Variants in AGBL4 observed in about 807,000 individuals in gnomAD.
The protein encoded by AGBL4 is cytosolic carboxypeptidase 6.
Under a neutral mutation model 66.4 loss-of-function variants are expected in AGBL4, and 58 were observed. The observed-to-expected ratio is 0.87, with a 90% confidence interval of 0.71 to 1.09. The LOEUF (loss-of-function observed/expected upper bound fraction) is 1.09. Ranked by LOEUF, AGBL4 falls within the 50% of genes least tolerant of loss-of-function variation. The pLI, the probability that AGBL4 is intolerant of heterozygous loss-of-function variation, is 0.00. For synonymous variants in AGBL4, 234 were observed against 222.9 expected (o/e 1.05, Z -0.44); for missense variants, 579 against 631.0 (o/e 0.92, Z 0.88).
intron 6 of AGBL4, among the ~76,000 whole-genome samples, chr1:48,862,478 C>G (rs533766038): frequency 6.6e-6 from 1 of 152,054 alleles, no homozygotes; most frequent in Non-Finnish European, 1.5e-5. Flanking sequence ...CCCGCCACCA[C>G]GCTCGGCTAA....
chr1:49,059,274 G>C (rs1323479177), intron 4 of AGBL4, among the ~76,000 whole-genome samples: 1 of 152,214 alleles, frequency 6.6e-6, no homozygotes, highest in Non-Finnish European at 1.5e-5. Context: ...TGGCTAAATG[G>C]GGCCAAAGTA....
intron 6 of AGBL4, among the ~76,000 whole-genome samples, chr1:48,753,863 C>A (rs968521073): frequency 5.9e-5 from 9 of 152,150 alleles, no homozygotes; most frequent in African/African-American, 1.7e-4. Context: ...GGTTAGAATT[C>A]ATCATTTTTG....
chr1:49,061,932 G>T (rs1213910215), intron 4 of AGBL4, among the ~76,000 whole-genome samples: 1 of 152,080 alleles, frequency 6.6e-6, no homozygotes, highest in East Asian at 1.9e-4. Flanking sequence ...CCAACCCCTG[G>T]GGCCACGGAC....
chr1:49,541,883 T>C (rs1303614101), intron 3 of AGBL4, among the ~76,000 whole-genome samples: 8 of 152,166 alleles, frequency 5.3e-5, no homozygotes. Context: ...AATGCACCAA[T>C]CAGCACTCTG....
chr1:48,835,228 T>A (rs1646647281), intron 6 of AGBL4, among the ~76,000 whole-genome samples: 1 of 152,138 alleles, frequency 6.6e-6, no homozygotes. Flanking sequence ...CTGCCAAAAT[T>A]ATCTCTTAGA....
At chr1:49,363,850 G>A (rs556179700) in intron 3 of AGBL4, among the ~76,000 whole-genome samples, 77 of 152,294 alleles carry the variant, frequency 5.1e-4, no homozygotes, top group South Asian at 1.0e-3. Context: ...ATAAAGAGAT[G>A]AGTAAGACAT....
At chr1:48,971,189 G>A (rs1411314608) in intron 5 of AGBL4, among the ~76,000 whole-genome samples, 1 of 152,150 alleles carries the variant, frequency 6.6e-6, no homozygotes, top group Non-Finnish European at 1.5e-5. Context: ...CAGTGGGCAA[G>A]GAGTGAGAAT....
intron 3 of AGBL4, among the ~76,000 whole-genome samples, chr1:49,366,771 CT>C (rs1644249282): frequency 6.6e-6 from 1 of 152,134 alleles, no homozygotes; most frequent in South Asian, 2.1e-4. Flanking sequence ...CAAAAGAAAG[CT>C]TCTTGCTGCT....
intron 6 of AGBL4, among the ~76,000 whole-genome samples, chr1:48,756,059 G>A (rs936557528): frequency 1.3e-5 from 2 of 152,128 alleles, no homozygotes; most frequent in Non-Finnish European, 2.9e-5. Flanking sequence ...TGTTGAACAG[G>A]AGCTAACAGT....
chr1:49,330,554 T>G (rs975374074), intron 3 of AGBL4, among the ~76,000 whole-genome samples: 15 of 152,354 alleles, frequency 9.8e-5, no homozygotes, highest in African/African-American at 3.4e-4. Context: ...TTCTATAGTA[T>G]TTAACATTTG....
chr1:49,437,955 G>T (rs1224456506), intron 3 of AGBL4, among the ~76,000 whole-genome samples: 1 of 151,862 alleles, frequency 6.6e-6, no homozygotes, highest in African/African-American at 2.4e-5. Flanking sequence ...GTTCACAATT[G>T]GATTTTATTT....
At chr1:49,757,805 A>G (rs1392875867) in intron 2 of AGBL4, among the ~76,000 whole-genome samples, 1 of 152,198 alleles carries the variant, frequency 6.6e-6, no homozygotes, top group East Asian at 1.9e-4. Flanking sequence ...GAAAGTTTGG[A>G]AAATTTGCAG....
chr1:48,974,029 A>G (rs1010722316), intron 5 of AGBL4, among the ~76,000 whole-genome samples: 3 of 152,206 alleles, frequency 2.0e-5, no homozygotes, highest in Non-Finnish European at 4.4e-5. Context: ...AACATCCTAT[A>G]TGTGCAATAA....
At chr1:49,010,707 G>A (rs1385100999) in intron 5 of AGBL4, among the ~76,000 whole-genome samples, 3 of 148,870 alleles carry the variant, frequency 2.0e-5, no homozygotes, top group Admixed American at 6.7e-5. Context: ...ACAGAACAGA[G>A]CCCTCAGAAA....
At chr1:49,686,257 C>A (rs1334073659) in intron 3 of AGBL4, among the ~76,000 whole-genome samples, 1 of 152,028 alleles carries the variant, frequency 6.6e-6, no homozygotes, top group African/African-American at 2.4e-5. Flanking sequence ...CCCGCCACGG[C>A]CCCACTGAAG....
intron 2 of AGBL4, among the ~76,000 whole-genome samples, chr1:49,839,192 A>G (rs1645927336): frequency 6.6e-6 from 1 of 152,264 alleles, no homozygotes; most frequent in African/African-American, 2.4e-5. Context: ...CATAACTGTT[A>G]TATCAAAATA....
At chr1:49,770,773 G>C (rs555430506) in intron 2 of AGBL4, among the ~76,000 whole-genome samples, 1 of 151,804 alleles carries the variant, frequency 6.6e-6, no homozygotes, top group African/African-American at 2.4e-5. Flanking sequence ...TATTCATTTC[G>C]TCTAAGTTCT....
intron 2 of AGBL4, among the ~76,000 whole-genome samples, chr1:49,766,638 C>G (rs1405669141): frequency 6.6e-6 from 1 of 150,644 alleles, no homozygotes; most frequent in East Asian, 2.0e-4. Context: ...GAGTGGCAAG[C>G]TGGATTAAAA....
intron 5 of AGBL4, among the ~76,000 whole-genome samples, chr1:48,928,094 C>G (rs1654741676): frequency 1.3e-5 from 2 of 152,146 alleles, no homozygotes. Flanking sequence ...GCTTTAGGAA[C>G]TATACCAAGA....
Sources: allele counts gnomAD v4.1 joint callset (sites outside exome capture counted in the v4.1 genomes callset), GRCh38; gene constraint gnomAD v4.1.1; transcripts MANE v1.5; gene names NCBI Gene and HGNC (gene_info 2026-07-23, HGNC 2026-07-21).